Variants in DSE observed in about 807,000 individuals in gnomAD.
DSE encodes dermatan sulfate epimerase, also known as dermatan-sulfate epimerase.
A neutral mutation model predicts 84.4 loss-of-function variants in DSE; 36 were observed. The ratio of observed to expected loss-of-function variants is 0.43; its 90% CI spans 0.33 to 0.56. DSE has a LOEUF of 0.56. Ranked by LOEUF, DSE falls within the 20% of genes least tolerant of loss-of-function variation. The pLI is 0.06. For missense variants in DSE, 862 were observed against 1,169.6 expected (o/e 0.74, Z 3.84); for synonymous variants, 410 against 430.1 (o/e 0.95, Z 0.58).
chr6:116,331,475 G>A lies in DSE; in HGVS notation c.-53-67723G>A, dbSNP rs549321718. On this transcript the variant is annotated intron_variant, in intron 2 of 3. Transcript: ENST00000430252. ...CACTCACTATCATGAGAACAGCATG[G>A]GGGAAATGCCCCTATGATCTAATCA... Among the ~76,000 whole-genome samples, 9 of 152,254 alleles carry A rather than the reference G, an allele frequency of 5.9e-5. No homozygotes were observed. The South Asian group carries it at 1.9e-3, about 32-fold the overall frequency.
chr6:116,376,708 A>G (rs1169359808), intron 1 of DSE, among the ~76,000 whole-genome samples: 1 of 152,240 alleles, frequency 6.6e-6, no homozygotes, highest in African/African-American at 2.4e-5. Context: ...GCCCTTCAGT[A>G]ATATGTAGAA....
intron 2 of DSE, among the ~76,000 whole-genome samples, chr6:116,423,685 C>T (rs958170764): frequency 1.3e-5 from 2 of 152,296 alleles, no homozygotes; most frequent in African/African-American, 4.8e-5. Context: ...TCTCAGCTGC[C>T]ATCCATGAAC....
At chr6:116,346,585 A>G (rs934771977) in intron 2 of DSE, among the ~76,000 whole-genome samples, 1 of 152,188 alleles carries the variant, frequency 6.6e-6, no homozygotes, top group Non-Finnish European at 1.5e-5. Context: ...CATGCTAAAA[A>G]CTTTCAATAA....
intron 2 of DSE, among the ~76,000 whole-genome samples, chr6:116,272,965 G>A (rs1049864590): frequency 2.6e-5 from 4 of 152,198 alleles, no homozygotes; most frequent in African/African-American, 7.2e-5. Context: ...CGCAAAGTAA[G>A]CTCTCAAATG....
chr6:116,338,223 T>C lies in DSE; in HGVS notation c.-53-60975T>C, dbSNP rs868725452. ...TTCTTACCTTCTTTCTTCTTTCTTT[T>C]TTTTTTTTTTTTTTTTTTGACGGAG... On this transcript the variant is annotated intron_variant, in intron 2 of 3. Coordinates refer to the DSE transcript ENST00000430252. Among the ~76,000 whole-genome samples the C allele has an allele frequency of 3.2e-3, 443 of 138,134 alleles. 2 individuals are homozygous for C. Among genetic ancestry groups the C allele is most frequent in the African/African-American group, 0.011 (420 of 37,762 alleles). 90.6% of individuals were successfully genotyped at this position (138,134 alleles called of 152,430 possible). A position where few individuals can be genotyped will look rare whatever the true frequency, so the allele number is the denominator to read the frequency against.
At chr6:116,294,651 G>A (rs1021611075) in intron 2 of DSE, among the ~76,000 whole-genome samples, 4 of 152,260 alleles carry the variant, frequency 2.6e-5, no homozygotes, top group Admixed American at 6.5e-5. Context: ...GAAGTGAGAA[G>A]ATGTCAGGAA....
chr6:116,291,038 A>G (rs1198779465), intron 2 of DSE, among the ~76,000 whole-genome samples: 2 of 152,166 alleles, frequency 1.3e-5, no homozygotes, highest in Non-Finnish European at 2.9e-5. Context: ...GTTCTTTCCA[A>G]ACTCTCTAAA....
At chr6:116,434,003 A>C (rs1784005097) in intron 5 of DSE, among the ~76,000 whole-genome samples, 1 of 151,978 alleles carries the variant, frequency 6.6e-6, no homozygotes, top group Non-Finnish European at 1.5e-5. Flanking sequence ...TAATCACACC[A>C]AAAAAAAGGT....
At chr6:116,283,220 GCTAA>G (rs1309502452) in intron 2 of DSE, among the ~76,000 whole-genome samples, 3 of 152,270 alleles carry the variant, frequency 2.0e-5, no homozygotes, top group Admixed American at 6.5e-5. Context: ...ACACTGAGAG[GCTAA>G]CTAACTTTAC....
chr6:116,297,178 G>A lies in DSE; in HGVS notation c.-54+38211G>A, dbSNP rs534876417. On this transcript the variant is annotated intron_variant, in intron 2 of 3. Transcript: ENST00000430252. Reference sequence around the variant, plus strand: ...TTCCTACTGCCAGGCCAGAATGCTAGGGAATTGATACCCTAGGAGCCATCC... The same window carrying A: ...TTCCTACTGCCAGGCCAGAATGCTAAGGAATTGATACCCTAGGAGCCATCC... Among the ~76,000 whole-genome samples the A allele has an allele frequency of 1.5e-3, 223 of 152,194 alleles. 3 individuals are homozygous for A. The highest frequency in any genetic ancestry group is 5.2e-3 in the African/African-American group (217 of 41,516).
intron 1 of DSE, among the ~76,000 whole-genome samples, chr6:116,377,875 G>T (rs1780017920): frequency 6.6e-6 from 1 of 152,160 alleles, no homozygotes; most frequent in Admixed American, 6.5e-5. Context: ...TAATATATGT[G>T]AGGACAGACT....
intron 3 of DSE, among the ~76,000 whole-genome samples, chr6:116,429,270 C>T (rs973826414): frequency 6.6e-6 from 1 of 152,136 alleles, no homozygotes; most frequent in Non-Finnish European, 1.5e-5. Context: ...AGCTGCATTG[C>T]CCCCATTAGT....
At chr6:116,283,526 T>TTTGTTGTTGTTGTTG (rs148204266) in intron 2 of DSE, among the ~76,000 whole-genome samples, 31 of 149,352 alleles carry the variant, frequency 2.1e-4, no homozygotes, top group Middle Eastern at 3.4e-3. Flanking sequence ...GGGTAGATTC[T>TTTGTTGTTGTTGTTG]TTGTTGTTGT....
intron 2 of DSE, among the ~76,000 whole-genome samples, chr6:116,293,407 G>T (rs1336602032): frequency 6.6e-6 from 1 of 151,946 alleles, no homozygotes; most frequent in Non-Finnish European, 1.5e-5. Context: ...AAGTAATTGG[G>T]ACTACAGGTG....
At chr6:116,414,112 A>G (rs1276051289) in intron 2 of DSE, among the ~76,000 whole-genome samples, 2 of 152,176 alleles carry the variant, frequency 1.3e-5, no homozygotes, top group African/African-American at 4.8e-5. Context: ...GGGCTGCTGT[A>G]ACAAAATACC....
chr6:116,271,879 C>T (rs978890707), intron 2 of DSE, among the ~76,000 whole-genome samples: 2 of 152,034 alleles, frequency 1.3e-5, no homozygotes, highest in African/African-American at 2.4e-5. Flanking sequence ...TAAATATATA[C>T]TTGGACAAGT....
intron 1 of DSE, among the ~76,000 whole-genome samples, chr6:116,397,115 C>T (rs1217887984): frequency 7.3e-5 from 11 of 151,604 alleles, no homozygotes. Flanking sequence ...ATGCTGATTG[C>T]ATTGATGAGA....
chr6:116,301,889 G>T (rs2114706109), intron 2 of DSE, among the ~76,000 whole-genome samples: 1 of 152,266 alleles, frequency 6.6e-6, no homozygotes, highest in Admixed American at 6.5e-5. Context: ...TGCGGTGTTT[G>T]GTTTTCTATT....
chr6:116,365,152 C>T (rs1779092822), intron 2 of DSE, among the ~76,000 whole-genome samples: 1 of 151,814 alleles, frequency 6.6e-6, no homozygotes, highest in African/African-American at 2.4e-5. Context: ...TAGTAACACT[C>T]TATAAAACAG....
Sources: gnomAD v4.1 joint callset for allele counts (sites outside exome capture counted in the v4.1 genomes callset) on GRCh38, gnomAD v4.1.1 for gene constraint, MANE v1.5 for transcripts, NCBI Gene and HGNC (gene_info 2026-07-23, HGNC 2026-07-21) for gene names.